Variants in PEAK1 observed in about 807,000 individuals in gnomAD.
The protein encoded by PEAK1 is pseudopodium enriched atypical kinase 1.
In PEAK1, 54 loss-of-function variants were observed where a neutral mutation model predicts 124.7. The observed-to-expected ratio is 0.43, with a 90% confidence interval of 0.35 to 0.54. The LOEUF (loss-of-function observed/expected upper bound fraction) is 0.54, where lower values mean the gene tolerates loss of function less well. PEAK1 is among the 20% of genes least tolerant of loss of function. The pLI is 0.01. For missense variants in PEAK1, 2,046 were observed against 2,134.5 expected (o/e 0.96, Z 0.82); for synonymous variants, 719 against 760.0 (o/e 0.95, Z 0.89).
At chr15:77,351,915 A>G in intron 2 of PEAK1, 1 of 985,374 alleles carries the variant, frequency 1.0e-6, no homozygotes, top group African/African-American at 1.7e-5. Flanking sequence ...AGTCTGGTAG[A>G]CCTATTATAA....
intron 1 of PEAK1, among the ~76,000 whole-genome samples, chr15:77,416,121 T>A (rs2072866820): frequency 6.6e-6 from 1 of 152,230 alleles, no homozygotes; most frequent in African/African-American, 2.4e-5. Flanking sequence ...TAGGTCTTTA[T>A]CTTACTTTTC....
chr15:77,181,146 C>G lies in PEAK1; in HGVS notation c.781G>C (p.Ala261Pro). The G allele has an allele frequency of 6.2e-7, 1 of 1,614,156 alleles. No homozygotes were observed. ...SWDESDEELL[A>P]MEIRMRGQPR... ...TGCCCTCTCATGCGAATCTCCATGG[C>G]CAACAGCTCTTCATCACTCTCATCC... Residue 261 changes from alanine (A) to proline (P), a missense_variant, in exon 7 of 10, where the codon GCC becomes CCC. Coordinates refer to ENST00000682557, the MANE Select transcript of PEAK1 (RefSeq NM_001385026.1).
At chr15:77,275,993 T>C (rs1245266531) in intron 5 of PEAK1, among the ~76,000 whole-genome samples, 1 of 151,926 alleles carries the variant, frequency 6.6e-6, no homozygotes, top group African/African-American at 2.4e-5. Context: ...AATAGCAGAA[T>C]GGATGTGACA....
intron 1 of PEAK1, among the ~76,000 whole-genome samples, chr15:77,406,194 TG>T (rs1370499620): frequency 2.0e-5 from 3 of 152,212 alleles, no homozygotes; most frequent in African/African-American, 4.8e-5. Context: ...GCAGTTTACC[TG>T]AAGTCTTTAG....
intron 5 of PEAK1, among the ~76,000 whole-genome samples, chr15:77,259,336 T>C (rs957105616): frequency 6.6e-6 from 1 of 152,176 alleles, no homozygotes; most frequent in East Asian, 1.9e-4. Context: ...TATCTCATAA[T>C]AGAGACAATT....
chr15:77,122,091 C>T (rs769932615), intron 9 of PEAK1, among the ~76,000 whole-genome samples: 1 of 152,166 alleles, frequency 6.6e-6, no homozygotes, highest in South Asian at 2.1e-4. Flanking sequence ...AAGACCCACA[C>T]ACACTCAATG....
chr15:77,385,663 A>G (rs1159085276), intron 1 of PEAK1, among the ~76,000 whole-genome samples: 1 of 152,214 alleles, frequency 6.6e-6, no homozygotes, highest in Non-Finnish European at 1.5e-5. Flanking sequence ...TGCAGAGAAG[A>G]TGAACAAAAG....
intron 6 of PEAK1, among the ~76,000 whole-genome samples, chr15:77,234,037 T>A (rs997055054): frequency 1.4e-4 from 21 of 152,120 alleles, no homozygotes; most frequent in Non-Finnish European, 2.6e-4. Context: ...GGCTAATTTT[T>A]AAACTTTTTG....
intron 1 of PEAK1, among the ~76,000 whole-genome samples, chr15:77,412,487 C>T (rs914653128): frequency 3.3e-5 from 5 of 152,212 alleles, no homozygotes; most frequent in Non-Finnish European, 2.9e-5. Flanking sequence ...TCACATTCTA[C>T]AACCAATCCA....
intron 2 of PEAK1, among the ~76,000 whole-genome samples, chr15:77,289,702 G>A (rs936297482): frequency 6.6e-6 from 1 of 152,102 alleles, no homozygotes; most frequent in Non-Finnish European, 1.5e-5. Flanking sequence ...GGGGCATGGT[G>A]GCACAAGCCT....
intron 7 of PEAK1, among the ~76,000 whole-genome samples, chr15:77,176,095 A>T (rs1011588161): frequency 6.6e-6 from 1 of 151,324 alleles, no homozygotes; most frequent in East Asian, 2.0e-4. Flanking sequence ...CACTCTGTGG[A>T]CTGTTGTGGG....
intron 1 of PEAK1, among the ~76,000 whole-genome samples, chr15:77,391,052 C>T (rs1311746205): frequency 1.3e-5 from 2 of 152,118 alleles, no homozygotes; most frequent in Non-Finnish European, 2.9e-5. Context: ...ACCTTGAATC[C>T]CAGCCCCACA....
At chr15:77,234,606 G>C (rs2060036607) in intron 6 of PEAK1, among the ~76,000 whole-genome samples, 1 of 151,976 alleles carries the variant, frequency 6.6e-6, no homozygotes, top group South Asian at 2.1e-4. Context: ...ATCTCTCTAA[G>C]TATACACAGA....
rs897064736 is a variant in PEAK1 at position 77,110,328 on chromosome 15, G to C, written c.*3828C>G. On this transcript the variant is annotated 3_prime_UTR_variant, in exon 10 of 10. Transcript: ENST00000682557. ...GGCTGGTCTCAAACTCCTGACCTCA[G>C]GTGATCTGCCCACCTCGCCCTCCTA... The C allele has an allele frequency of 2.6e-5, 4 of 152,158 alleles. No homozygotes were observed. Among genetic ancestry groups the C allele is most frequent in the Non-Finnish European group, 5.9e-5 (4 of 68,062 alleles). The allele number at this position is 152,158 out of a possible 1,614,324, so 9.4% of individuals were successfully genotyped here.
At chr15:77,352,757 A>C in intron 2 of PEAK1, 1 of 967,388 alleles carries the variant, frequency 1.0e-6, no homozygotes. Flanking sequence ...TTTTCCCTAT[A>C]AGACAGACAT....
chr15:77,387,605 A>G (rs1365372801), intron 1 of PEAK1, among the ~76,000 whole-genome samples: 1 of 152,204 alleles, frequency 6.6e-6, no homozygotes, highest in Non-Finnish European at 1.5e-5. Flanking sequence ...GACATACCTA[A>G]GCAGCCAAAC....
rs1163817880 is a variant in PEAK1 at position 77,286,352 on chromosome 15, G to A, written c.-521+71C>T. The A allele has an allele frequency of 4.8e-6, 4 of 839,180 alleles. No individual in the cohort carries two copies. The African/African-American group carries it at 7.1e-5, about 15-fold the overall frequency. 52.0% of individuals were successfully genotyped at this position (839,180 alleles called of 1,614,324 possible). Reference sequence around the variant, plus strand: ...AATTATTAGATTTTTGCTGAAATAAGACAGGAGATTAATAAAAGAGATTTA... The same window carrying A: ...AATTATTAGATTTTTGCTGAAATAAAACAGGAGATTAATAAAAGAGATTTA... On this transcript the variant is annotated intron_variant, in intron 3 of 9. Transcript: ENST00000682557.
chr15:77,216,268 C>T (rs956867504), intron 6 of PEAK1, among the ~76,000 whole-genome samples: 2 of 152,010 alleles, frequency 1.3e-5, no homozygotes, highest in South Asian at 2.1e-4. Flanking sequence ...GAGGGATCTT[C>T]GAAAAGTTCA....
At chr15:77,403,791 A>C in intron 1 of PEAK1, 1 of 979,830 alleles carries the variant, frequency 1.0e-6, no homozygotes, top group African/African-American at 1.7e-5. Context: ...CCACAAACTC[A>C]ATTTAAAAAA....
Sources: allele counts gnomAD v4.1 joint callset (sites outside exome capture counted in the v4.1 genomes callset), GRCh38; gene constraint gnomAD v4.1.1; transcripts MANE v1.5; gene names NCBI Gene and HGNC (gene_info 2026-07-23, HGNC 2026-07-21).